Variants in LMX1B observed in about 807,000 individuals in gnomAD.
The protein encoded by LMX1B is LIM homeobox transcription factor 1-beta.
In LMX1B, 12 loss-of-function variants were observed where a neutral mutation model predicts 51.4. The ratio of observed to expected loss-of-function variants is 0.23; its 90% CI spans 0.15 to 0.38. The LOEUF is 0.38. LMX1B is among the 10% of genes least tolerant of loss of function. The pLI, the probability that LMX1B is intolerant of heterozygous loss-of-function variation, is 1.00. For synonymous variants in LMX1B, 237 were observed against 235.4 expected, an observed-to-expected ratio of 1.01 and a Z score of -0.06; for missense variants, 445 against 571.1, an observed-to-expected ratio of 0.78 and a Z score of 2.25.
chr9:126,674,448 G>A (rs1836518221), intron 2 of LMX1B, among the ~76,000 whole-genome samples: 2 of 152,192 alleles, frequency 1.3e-5, no homozygotes, highest in Admixed American at 6.5e-5. Context: ...AGGCAGAGAT[G>A]GGGCCTGGGG....
At chr9:126,688,675 G>A (rs1017855359) in intron 2 of LMX1B, among the ~76,000 whole-genome samples, 2 of 152,222 alleles carry the variant, frequency 1.3e-5, no homozygotes, top group Non-Finnish European at 2.9e-5. Flanking sequence ...GGTAGGTTGT[G>A]CCCTGAACAA....
In LMX1B at chr9:126,700,715, A is replaced by G. The variant is rs981193844; in HGVS notation, c.*4264A>G. 7 of 152,232 alleles carry G rather than the reference A, an allele frequency of 4.6e-5. No homozygotes were observed. The highest frequency in any genetic ancestry group is 1.2e-4 in the African/African-American group (5 of 41,452). The allele number at this position is 152,232 out of a possible 1,614,324, so 9.4% of individuals were successfully genotyped here. A position where few individuals can be genotyped will look rare whatever the true frequency, so the allele number is the denominator to read the frequency against. Reference sequence around the variant, plus strand: ...TGGCCCTTGGAAGGCACCATTGCCAATGAGCCTCTTTGCTGGTTCCCCCGA... The same window carrying G: ...TGGCCCTTGGAAGGCACCATTGCCAGTGAGCCTCTTTGCTGGTTCCCCCGA... On this transcript the variant is annotated 3_prime_UTR_variant, in exon 8 of 8. Transcript: ENST00000373474.
rs1365061802 is a variant in LMX1B at position 126,671,043 on chromosome 9, G to A, written c.327-19793G>A. Among the ~76,000 whole-genome samples the A allele has an allele frequency of 6.6e-6, 1 of 152,124 alleles. No individual in the cohort carries two copies. The highest frequency in any genetic ancestry group is 2.4e-5 in the African/African-American group (1 of 41,390). On this transcript the variant is annotated intron_variant, in intron 2 of 7. Coordinates refer to ENST00000373474, the MANE Select transcript of LMX1B (RefSeq NM_001174147.2). This position sits in a 1 kb window ranked among gnomAD's most constrained non-coding sequence, Gnocchi z 4.4. ...AGTGCAGGACAGATACACAGCCAGG[G>A]GCCATGCCAGGTGGCAGAGAAGGGG... is the stretch of plus-strand genomic sequence containing the variant.
chr9:126,689,726 G>A (rs1249940376), intron 2 of LMX1B, among the ~76,000 whole-genome samples: 1 of 125,198 alleles, frequency 8.0e-6, no homozygotes, highest in Non-Finnish European at 1.8e-5. Context: ...AGAGATGATG[G>A]GAGATGGGAG....
At chr9:126,652,038 T>A (rs935868046) in intron 2 of LMX1B, among the ~76,000 whole-genome samples, 1 of 151,036 alleles carries the variant, frequency 6.6e-6, no homozygotes, top group Admixed American at 6.6e-5. Context: ...CTCCAAGGCT[T>A]GGGGGTCCCA....
At chr9:126,661,971 G>A (rs59442409) in intron 2 of LMX1B, among the ~76,000 whole-genome samples, 300 of 152,314 alleles carry the variant, frequency 2.0e-3, no homozygotes, top group African/African-American at 4.8e-3. Flanking sequence ...TTGTGGAGGC[G>A]GAACTGCAGC....
chr9:126,646,457 A>C (rs997498810), intron 2 of LMX1B, among the ~76,000 whole-genome samples: 2 of 152,144 alleles, frequency 1.3e-5, no homozygotes, highest in African/African-American at 4.8e-5. Context: ...TCCATGCAGT[A>C]GTCACTCAGG....
Position 126,698,844 on chromosome 9 carries a change from T to C in LMX1B, c.*2393T>C, listed in dbSNP as rs10120414. 137,916 of 152,296 alleles carry C rather than the reference T, an allele frequency of 0.91. 62,648 individuals carry two copies. The highest frequency in any genetic ancestry group is 0.94 in the Non-Finnish European group (64,358 of 68,142). 9.4% of individuals were successfully genotyped at this position (152,296 alleles called of 1,614,324 possible). A position where few individuals can be genotyped will look rare whatever the true frequency, so the allele number is the denominator to read the frequency against. On this transcript the variant is annotated 3_prime_UTR_variant, in exon 8 of 8. Transcript: ENST00000373474. ...CCAGAATGTCCTGGGCCAACCTCCT[T>C]GCCTGACATGTGGCCTCGTGTCACC...
rs755419131 is a variant in LMX1B at position 126,696,410 on chromosome 9, G to A, written c.1168G>A (p.Asp390Asn). 9 of 1,613,922 alleles carry A rather than the reference G, an allele frequency of 5.6e-6. No homozygotes were observed. The highest frequency in any genetic ancestry group is 1.1e-5 in the South Asian group (1 of 91,086). ...GCAGGCCCGCGTGGGGAACCCCATC[G>A]ACCGGCTCTACTCCATGCAGAGTTC... Reference protein sequence around the residue: ...SLQARVGNPIDRLYSMQSSYF... With the variant: ...SLQARVGNPINRLYSMQSSYF... The change falls in exon 8 of 8, where the codon GAC (aspartate) becomes AAC (asparagine). Residue 390 changes from aspartate to asparagine, a missense_variant. Transcript: ENST00000373474.
chr9:126,629,542 G>A (rs1835598365), intron 2 of LMX1B, among the ~76,000 whole-genome samples: 1 of 152,022 alleles, frequency 6.6e-6, no homozygotes, highest in Non-Finnish European at 1.5e-5. Flanking sequence ...GCAGCCTTTT[G>A]GGAGGGTGGA....
chr9:126,620,901 T>G (rs1835398298), intron 2 of LMX1B, among the ~76,000 whole-genome samples: 2 of 151,556 alleles, frequency 1.3e-5, no homozygotes, highest in Admixed American at 6.6e-5. Context: ...GAGAAGGGGG[T>G]AGGTGGAGGA....
rs781727698 is a variant in LMX1B, at chr9:126,614,531, A to G, written c.82A>G (p.Ile28Val). 3 of 1,606,414 alleles carry G rather than the reference A, an allele frequency of 1.9e-6. No homozygotes were observed. Among genetic ancestry groups the G allele is most frequent in the Non-Finnish European group, 2.5e-6 (3 of 1,177,392 alleles). The change falls in exon 1 of 8, where the codon ATC becomes GTC. Residue 28 changes from isoleucine to valine, a missense_variant. Physicochemically the swap from Ile to Val is conservative, Grantham distance 29. Coordinates refer to ENST00000373474, the MANE Select transcript of LMX1B (RefSeq NM_001174147.2). The part of the protein sequence containing the change: ...QTDCAKMLDG[I>V]KMEEHALRPG... ...GGACTGCGCCAAGATGTTGGACGGCATCAAGATGGAGGAGCACGCCCTGCG... is the reference window on the plus strand; with the variant it reads ...GGACTGCGCCAAGATGTTGGACGGCGTCAAGATGGAGGAGCACGCCCTGCG...
At chr9:126,669,733 G>A (rs558500842) in intron 2 of LMX1B, among the ~76,000 whole-genome samples, 1 of 152,132 alleles carries the variant, frequency 6.6e-6, no homozygotes, top group Non-Finnish European at 1.5e-5. Context: ...GTGTGCACAT[G>A]TGTTAAGGTA....
At chr9:126,654,474 A>T (rs1836076584) in intron 2 of LMX1B, among the ~76,000 whole-genome samples, 1 of 152,228 alleles carries the variant, frequency 6.6e-6, no homozygotes, top group South Asian at 2.1e-4. Flanking sequence ...GTTTGTGTGA[A>T]TGATGAACAG....
At chr9:126,632,073 C>A (rs532125707) in intron 2 of LMX1B, among the ~76,000 whole-genome samples, 3 of 152,282 alleles carry the variant, frequency 2.0e-5, no homozygotes, top group South Asian at 4.2e-4. Flanking sequence ...AGCTGTGTGA[C>A]CTTTGACAAA....
intron 2 of LMX1B, among the ~76,000 whole-genome samples, chr9:126,670,531 T>G (rs915562936): frequency 6.6e-6 from 1 of 152,174 alleles, no homozygotes; most frequent in Admixed American, 6.5e-5. Flanking sequence ...CAGATGCAGA[T>G]GGACAGGTAG....
In LMX1B at chr9:126,698,513, C is replaced by G. The variant is rs1453922739; in HGVS notation, c.*2062C>G. The G allele has an allele frequency of 6.6e-6, 1 of 152,264 alleles. No individual in the cohort carries two copies. Among genetic ancestry groups the G allele is most frequent in the Non-Finnish European group, 1.5e-5 (1 of 68,068 alleles). 9.4% of individuals were successfully genotyped at this position (152,264 alleles called of 1,614,324 possible). A position where few individuals can be genotyped will look rare whatever the true frequency, so the allele number is the denominator to read the frequency against. On this transcript the variant is annotated 3_prime_UTR_variant, in exon 8 of 8. Transcript: ENST00000373474. The stretch of plus-strand genomic sequence containing the variant: ...TCAGGTGCACTAGATCCATCCCCAG[C>G]CCCAGTCTGCTCAACTCTATCCCTG...
intron 2 of LMX1B, among the ~76,000 whole-genome samples, chr9:126,667,018 A>G (rs1446368034): frequency 1.3e-5 from 2 of 152,174 alleles, no homozygotes; most frequent in African/African-American, 4.8e-5. Context: ...TATTTTTTAT[A>G]TTACAAAATC....
chr9:126,679,934 A>G (rs1247025927), intron 2 of LMX1B, among the ~76,000 whole-genome samples: 1 of 151,562 alleles, frequency 6.6e-6, no homozygotes, highest in South Asian at 2.1e-4. Flanking sequence ...CTGCCCCACC[A>G]CTCTGCCCTC....
Sources: gnomAD v4.1 joint callset for allele counts (sites outside exome capture counted in the v4.1 genomes callset) on GRCh38, gnomAD v4.1.1 for gene constraint, Gnocchi (gnomAD v3.1) non-coding constraint, MANE v1.5 for transcripts, NCBI Gene and HGNC (gene_info 2026-07-23, HGNC 2026-07-21) for gene names.